The following GALNT17 variants were observed in gnomAD, a reference collection of about 807,000 sequenced individuals.
The protein encoded by GALNT17 is UDP-GalNAc:polypeptide N-acetylgalactosaminyltransferase-like 3.
Under a neutral mutation model 63.7 loss-of-function variants are expected in GALNT17, and 29 were observed. The ratio of observed to expected loss-of-function variants is 0.46; its 90% CI spans 0.34 to 0.62. The LOEUF is 0.62. Ranked by LOEUF, GALNT17 falls within the 20% of genes least tolerant of loss-of-function variation. The pLI, the probability that GALNT17 is intolerant of heterozygous loss-of-function variation, is 0.01. For synonymous variants in GALNT17, 305 were observed against 318.3 expected (o/e 0.96, Z 0.45); for missense variants, 603 against 799.6 (o/e 0.75, Z 2.97).
chr7:71,282,452 G>T (rs567969039), intron 1 of GALNT17, among the ~76,000 whole-genome samples: 1 of 152,212 alleles, frequency 6.6e-6, no homozygotes, highest in East Asian at 1.9e-4. Context: ...CTTTGCCCCC[G>T]CAAGGCTAGC....
chr7:71,586,629 C>A (rs897457610), intron 6 of GALNT17, among the ~76,000 whole-genome samples: 1 of 151,174 alleles, frequency 6.6e-6, no homozygotes, highest in Non-Finnish European at 1.5e-5. Context: ...TGTTCCACCT[C>A]TTTTGCAGTA....
At chr7:71,366,930 TG>T (rs1486132305) in intron 2 of GALNT17, among the ~76,000 whole-genome samples, 1 of 152,226 alleles carries the variant, frequency 6.6e-6, no homozygotes, top group Non-Finnish European at 1.5e-5. Context: ...CATCTCTTCA[TG>T]TATTTATTGA....
At chr7:71,687,032 C>T in intron 9 of GALNT17, among the ~76,000 whole-genome samples, 1 of 152,190 alleles carries the variant, frequency 6.6e-6, no homozygotes, top group African/African-American at 2.4e-5. Flanking sequence ...GTTCCCAGGA[C>T]CTTTCTGATT....
intron 5 of GALNT17, among the ~76,000 whole-genome samples, chr7:71,436,204 G>A (rs1278899111): frequency 1.3e-5 from 2 of 152,084 alleles, no homozygotes; most frequent in African/African-American, 4.8e-5. Flanking sequence ...AACCCACCGG[G>A]TGGTTACATG....
rs1219751607 is a variant in GALNT17 at position 71,259,638 on chromosome 7, G to GTTTTTT, written c.239-75910_239-75905dup. Among the ~76,000 whole-genome samples, 568 of 137,848 alleles carry GTTTTTT rather than the reference G, an allele frequency of 4.1e-3. 30 individuals carry two copies. Among genetic ancestry groups the GTTTTTT allele is most frequent in the South Asian group, 0.026 (109 of 4,178 alleles). 90.4% of individuals were successfully genotyped at this position (137,848 alleles called of 152,430 possible). Reference sequence around the variant, plus strand: ...AGATCTTGGTCCTGTTTTGTTTTTTGTTTTTTTGTTTTTTTTTTTTTGAGA... The same window carrying GTTTTTT: ...AGATCTTGGTCCTGTTTTGTTTTTTGTTTTTTTTTTTTTGTTTTTTTTTTTTTGAGA... On this transcript the variant is annotated intron_variant, in intron 1 of 10. Coordinates refer to ENST00000333538, the MANE Select transcript of GALNT17 (RefSeq NM_022479.3).
chr7:71,467,770 A>C (rs1022111298), intron 5 of GALNT17, among the ~76,000 whole-genome samples: 2 of 151,828 alleles, frequency 1.3e-5, no homozygotes, highest in East Asian at 1.9e-4. Context: ...AAGGCAAAAA[A>C]AAACAAACAA....
intron 1 of GALNT17, among the ~76,000 whole-genome samples, chr7:71,223,653 C>CA (rs1314186003): frequency 2.0e-5 from 3 of 152,108 alleles, no homozygotes; most frequent in South Asian, 4.1e-4. Flanking sequence ...TTCCATCACC[C>CA]AGGTATTAAG....
rs796181621 is a variant in GALNT17, at chr7:71,310,374, A to C, written c.239-25176A>C. On this transcript the variant is annotated intron_variant, in intron 1 of 10. Transcript: ENST00000333538. ...GTGTTCAATGGCATCGTCTTTGTAA[A>C]TGTAACTTCACATTCCGTGTGCCTA... 1.3e-5 allele frequency among the ~76,000 whole-genome samples: 2 copies of C among 152,176 alleles called. 1 individual carries two copies. Among genetic ancestry groups the C allele is most frequent in the South Asian group, 4.1e-4 (2 of 4,820 alleles).
intron 2 of GALNT17, among the ~76,000 whole-genome samples, chr7:71,384,264 C>T (rs1000481393): frequency 1.3e-5 from 2 of 152,134 alleles, no homozygotes. Context: ...GAACCTGGCT[C>T]ACATGGTTGT....
rs201770661 is a variant in GALNT17 at position 71,142,012 on chromosome 7, C to CTGTGTGTGTGTGTGTGTGTG, written c.238+8988_238+9007dup. 4.8e-5 allele frequency among the ~76,000 whole-genome samples: 6 copies of CTGTGTGTGTGTGTGTGTGTG among 124,890 alleles called. No homozygotes were observed. In the East Asian group the frequency reaches 7.2e-4, roughly 15 times the overall value. 81.9% of individuals were successfully genotyped at this position (124,890 alleles called of 152,430 possible). ...TTCAGGCATGAGCCACCACATTTGG[C>CTGTGTGTGTGTGTGTGTGTG]TGTGTGTGTGTGTGTGTGTGTGTGT... is the stretch of plus-strand genomic sequence containing the variant. On this transcript the variant is annotated intron_variant, in intron 1 of 10. Coordinates refer to ENST00000333538, the MANE Select transcript of GALNT17 (RefSeq NM_022479.3).
chr7:71,203,269 G>A (rs1236066860), intron 1 of GALNT17, among the ~76,000 whole-genome samples: 1 of 152,124 alleles, frequency 6.6e-6, no homozygotes, highest in African/African-American at 2.4e-5. Context: ...TCCACCAACA[G>A]CATACCAGGG....
chr7:71,306,008 C>T lies in GALNT17; in HGVS notation c.239-29542C>T, dbSNP rs192600961. Reference sequence around the variant, plus strand: ...CTGAGGCAGGCGGATCACTTGAGGTCAGGGGCTCGAGACCAGCCTGGCCAA... The same window carrying T: ...CTGAGGCAGGCGGATCACTTGAGGTTAGGGGCTCGAGACCAGCCTGGCCAA... On this transcript the variant is annotated intron_variant, in intron 1 of 10. Coordinates refer to ENST00000333538, the MANE Select transcript of GALNT17 (RefSeq NM_022479.3). Among the ~76,000 whole-genome samples the T allele has an allele frequency of 9.7e-4, 148 of 152,186 alleles. 3 individuals carry two copies. The East Asian group carries it at 0.02, about 21-fold the overall frequency.
intron 9 of GALNT17, among the ~76,000 whole-genome samples, chr7:71,699,191 A>AAG (rs1791590379): frequency 7.3e-6 from 1 of 137,464 alleles, no homozygotes; most frequent in Non-Finnish European, 1.6e-5. Flanking sequence ...AAAAAAAAAA[A>AAG]AAAAATGACC....
chr7:71,186,538 G>T (rs1788854353), intron 1 of GALNT17, among the ~76,000 whole-genome samples: 1 of 152,136 alleles, frequency 6.6e-6, no homozygotes, highest in Non-Finnish European at 1.5e-5. Context: ...TACATTTCAG[G>T]CTTGGACTTA....
chr7:71,430,311 T>G (rs1331259038), intron 5 of GALNT17, among the ~76,000 whole-genome samples: 1 of 152,186 alleles, frequency 6.6e-6, no homozygotes, highest in African/African-American at 2.4e-5. Context: ...CTAGGTTAGG[T>G]GCACCATAAG....
At chr7:71,691,435 A>G (rs142718115) in intron 9 of GALNT17, among the ~76,000 whole-genome samples, 81 of 152,326 alleles carry the variant, frequency 5.3e-4, no homozygotes, top group African/African-American at 1.8e-3. Flanking sequence ...TTTTATTGCA[A>G]TATTCGCTAT....
intron 7 of GALNT17, among the ~76,000 whole-genome samples, chr7:71,667,997 C>G (rs1562728713): frequency 6.6e-6 from 1 of 152,092 alleles, no homozygotes; most frequent in Non-Finnish European, 1.5e-5. Context: ...CAAGGTTTTG[C>G]CACGTTGCCC....
At chr7:71,683,456 G>T (rs1791300708) in intron 9 of GALNT17, among the ~76,000 whole-genome samples, 1 of 152,158 alleles carries the variant, frequency 6.6e-6, no homozygotes, top group African/African-American at 2.4e-5. Context: ...AGAAGGAATT[G>T]GTGCTCCACG....
chr7:71,569,838 C>T (rs1223515720), intron 5 of GALNT17, among the ~76,000 whole-genome samples: 6 of 152,026 alleles, frequency 3.9e-5, no homozygotes, highest in African/African-American at 1.2e-4. Context: ...CTGCAATGAA[C>T]GTAGGAATAC....
Sources: gnomAD v4.1 joint callset for allele counts (sites outside exome capture counted in the v4.1 genomes callset) on GRCh38, gnomAD v4.1.1 for gene constraint, MANE v1.5 for transcripts, NCBI Gene and HGNC (gene_info 2026-07-23, HGNC 2026-07-21) for gene names.